Variants in KIAA0586 observed in about 807,000 individuals in gnomAD.
KIAA0586 encodes the protein KIAA0586.
KIAA0586 carries 144 observed loss-of-function variants against 169.8 expected under a neutral mutation model. The observed-to-expected ratio is 0.85, with a 90% CI of 0.74 to 0.97. KIAA0586 has a LOEUF of 0.97. KIAA0586 is among the 50% of genes least tolerant of loss of function. The pLI, the probability that KIAA0586 is intolerant of heterozygous loss-of-function variation, is 0.00. For missense variants in KIAA0586, 1,854 were observed against 1,823.0 expected (o/e 1.02, Z -0.31); for synonymous variants, 625 against 612.4 (o/e 1.02, Z -0.30).
At chr14:58,435,436 A>G (rs1052352232) in intron 4 of KIAA0586, among the ~76,000 whole-genome samples, 4 of 152,178 alleles carry the variant, frequency 2.6e-5, no homozygotes, top group Non-Finnish European at 4.4e-5. Context: ...TAGCATATCC[A>G]TCATCTGAAA....
At chr14:58,470,260 CATG>C (rs2041105921) in intron 16 of KIAA0586, among the ~76,000 whole-genome samples, 1 of 151,758 alleles carries the variant, frequency 6.6e-6, no homozygotes, top group African/African-American at 2.4e-5. Flanking sequence ...TATACAAAAG[CATG>C]ATAAGTGTTT....
At chr14:58,482,006 G>T (rs1313721099) in intron 20 of KIAA0586, among the ~76,000 whole-genome samples, 1 of 151,696 alleles carries the variant, frequency 6.6e-6, no homozygotes, top group African/African-American at 2.4e-5. Context: ...TAGAGACGGG[G>T]TTTCACCATG....
chr14:58,558,320 ATGTCAT>A, the KIAA0586 span, among the ~76,000 whole-genome samples: 201 of 152,338 alleles, frequency 1.3e-3, 1 homozygote, highest in Non-Finnish European at 2.5e-3. Flanking sequence ...ACCCAAAATC[ATGTCAT>A]TTCAAATTTT....
Position 58,438,852 on chromosome 14 carries a change from A to G in KIAA0586, c.411-3854A>G, listed in dbSNP as rs148248043. Among the ~76,000 whole-genome samples the G allele has an allele frequency of 2.6e-5, 4 of 152,310 alleles. No individual in the cohort carries two copies. The East Asian group carries it at 7.7e-4, about 29-fold the overall frequency. On this transcript the variant is annotated intron_variant, in intron 4 of 30. Coordinates refer to ENST00000652326, the MANE Select transcript of KIAA0586 (RefSeq NM_001329943.3). ...GTCACTTGTGGGCATGGCATGGTAT[A>G]TGTAGTTAGTGAGGAGTGCCTCGTG...
chr14:58,478,516 G>T (rs192003372), intron 20 of KIAA0586, among the ~76,000 whole-genome samples: 36 of 152,218 alleles, frequency 2.4e-4, no homozygotes, highest in African/African-American at 7.9e-4. Flanking sequence ...CAATTTGGTA[G>T]AGATGGGGTC....
At chr14:58,528,011 T>C (rs1008590844) in intron 29 of KIAA0586, among the ~76,000 whole-genome samples, 1 of 152,078 alleles carries the variant, frequency 6.6e-6, no homozygotes, top group Admixed American at 6.6e-5. Context: ...GATGGAGGAA[T>C]GTTTACCATG....
Position 58,540,125 on chromosome 14 carries a change from G to A in KIAA0586, c.4484G>A (p.Cys1495Tyr), listed in dbSNP as rs1220159519. ...TQIELNPYLT[C>Y]VFSGGKAVPL... Reference sequence around the variant, plus strand: ...ATTGAGCTTAATCCGTACCTCACATGTGTATTTTCAGGTAAGATTTTTACT... The same window carrying A: ...ATTGAGCTTAATCCGTACCTCACATATGTATTTTCAGGTAAGATTTTTACT... The change falls in exon 30 of 31, where the codon TGT (cysteine) becomes TAT (tyrosine). Residue 1495 changes from cysteine (C) to tyrosine (Y), a missense_variant. By Grantham distance (194) the Cys-to-Tyr change is radical. Coordinates refer to ENST00000652326, the MANE Select transcript of KIAA0586 (RefSeq NM_001329943.3). The A allele has an allele frequency of 5.8e-6, 9 of 1,549,050 alleles. No homozygotes were observed. The highest frequency in any genetic ancestry group is 7.9e-6 in the Non-Finnish European group (9 of 1,140,410).
chr14:58,519,676 G>A (rs1052382990), intron 29 of KIAA0586, among the ~76,000 whole-genome samples: 15 of 152,130 alleles, frequency 9.9e-5, no homozygotes, highest in Non-Finnish European at 5.9e-5. Flanking sequence ...CAAAGAAAGT[G>A]ATATATGGGA....
At position 58,547,857 on chromosome 14, in the gene KIAA0586, C is replaced by G. The variant is rs371910625; in HGVS notation, c.4572C>G (p.Leu1524=). 1 of 1,613,736 alleles carries G rather than the reference C, an allele frequency of 6.2e-7. No homozygotes were observed. Among genetic ancestry groups the G allele is most frequent in the East Asian group, 2.2e-5 (1 of 44,888 alleles). Residue 1524 remains leucine (L), a synonymous_variant, in exon 31 of 31, where the codon CTC becomes CTG. Transcript: ENST00000652326. ...CAGTGATGCTGCCGTCAGTGAACCT[C>G]GAGGACTGCTCTCAGTCTCTGAGTC... ...KMSVMLPSVN[L]EDCSQSLSLS...
intron 23 of KIAA0586, 71 bp downstream of exon 23, chr14:58,488,180 C>T: frequency 8.5e-7 from 1 of 1,179,810 alleles, no homozygotes; most frequent in South Asian, 1.4e-5. Flanking sequence ...CCATTGAAAA[C>T]ATAGAAATAT....
At chr14:58,496,122 T>C (rs1430947359) in intron 26 of KIAA0586, among the ~76,000 whole-genome samples, 2 of 152,230 alleles carry the variant, frequency 1.3e-5, no homozygotes, top group Non-Finnish European at 2.9e-5. Context: ...TGAAACTTCT[T>C]GCTTAGAGGG....
chr14:58,521,885 CAATG>C, intron 29 of KIAA0586: 1 of 1,249,148 alleles, frequency 8.0e-7, no homozygotes, highest in Non-Finnish European at 1.2e-6. Context: ...ATGATGATGA[CAATG>C]AAGATGGGGG....
At chr14:58,537,970 T>A (rs1483119358) in intron 29 of KIAA0586, among the ~76,000 whole-genome samples, 1 of 152,100 alleles carries the variant, frequency 6.6e-6, no homozygotes, top group African/African-American at 2.4e-5. Flanking sequence ...TTTAATACAT[T>A]TAAAGATTTT....
At chr14:58,535,839 G>A (rs74056196) in intron 29 of KIAA0586, among the ~76,000 whole-genome samples, 1,858 of 151,344 alleles carry the variant, frequency 0.012, 42 homozygotes, top group African/African-American at 0.043. Flanking sequence ...TTGTTTTGTG[G>A]GTTAAAAAAT....
intron 18 of KIAA0586, among the ~76,000 whole-genome samples, chr14:58,473,778 C>T (rs1005138661): frequency 4.6e-5 from 7 of 151,826 alleles, no homozygotes; most frequent in South Asian, 2.1e-4. Flanking sequence ...TAGTGGTGGG[C>T]GCCTGTAATG....
chr14:58,470,471 T>C, intron 16 of KIAA0586, 142 bp from the exon 17 acceptor site: 1 of 376,566 alleles, frequency 2.7e-6, no homozygotes, highest in Non-Finnish European at 4.7e-6. Flanking sequence ...ATCCATTGGG[T>C]TCACAATAAA....
intron 4 of KIAA0586, among the ~76,000 whole-genome samples, chr14:58,436,191 G>T (rs2037809461): frequency 1.3e-5 from 2 of 152,054 alleles, no homozygotes; most frequent in African/African-American, 4.8e-5. Flanking sequence ...AAAAGAGGAG[G>T]CAAAGTTATA....
chr14:58,446,189 T>TA lies in KIAA0586; in HGVS notation c.807+2021dup, dbSNP rs2038885981. On this transcript the variant is annotated intron_variant, in intron 6 of 30. Transcript: ENST00000652326. ...CTGGCCTACTGTGCATTTAAAAACT[T>TA]AAAAAAATTAAAATATAACATTCAG... Among the ~76,000 whole-genome samples the TA allele has an allele frequency of 4.0e-5, 6 of 151,642 alleles. 1 individual carries two copies. In the South Asian group the frequency reaches 1.3e-3, roughly 32 times the overall value.
intron 21 of KIAA0586, 89 bp from the exon 22 acceptor site, chr14:58,486,918 A>G (rs1049750780): frequency 1.8e-5 from 19 of 1,028,248 alleles, no homozygotes; most frequent in Admixed American, 1.5e-4. Flanking sequence ...TTTAAATTAT[A>G]TATAGTCTAT....
Sources: allele counts gnomAD v4.1 joint callset (sites outside exome capture counted in the v4.1 genomes callset), GRCh38; gene constraint gnomAD v4.1.1; transcripts MANE v1.5; gene names NCBI Gene and HGNC (gene_info 2026-07-23, HGNC 2026-07-21).